CEP350: variants seen among roughly 807,000 people sequenced by gnomAD.
CEP350 encodes the protein centrosome-associated protein 350.
CEP350 carries 126 observed loss-of-function variants against 331.8 expected under a neutral mutation model. That is an observed-to-expected ratio of 0.38 (90% CI 0.33 to 0.44). The LOEUF is 0.44. Ranked by LOEUF, CEP350 falls within the 20% of genes least tolerant of loss-of-function variation. The pLI is 1.00. For synonymous variants in CEP350, 1,200 were observed against 1,259.5 expected (o/e 0.95, Z 1.00); for missense variants, 3,406 against 3,634.6 (o/e 0.94, Z 1.62).
intron 1 of CEP350, among the ~76,000 whole-genome samples, chr1:179,976,974 T>A (rs1482985331): frequency 6.6e-6 from 1 of 152,230 alleles, no homozygotes; most frequent in African/African-American, 2.4e-5. Context: ...TTCCTTTTCT[T>A]TGGGGCCACT....
chr1:179,993,714 A>T lies in CEP350; in HGVS notation c.395+1493A>T, dbSNP rs184837907. 3.1e-3 allele frequency among the ~76,000 whole-genome samples: 456 copies of T among 147,204 alleles called. 1 individual carries two copies. The highest frequency in any genetic ancestry group is 5.0e-3 in the Non-Finnish European group (342 of 67,972). ...TGCCTCGGCCTCCCAAAGTGCTTGG[A>T]TTACAGTTGTGAGCCACTGCGGCTG... is the stretch of plus-strand genomic sequence containing the variant. On this transcript the variant is annotated intron_variant, in intron 5 of 37. Coordinates refer to ENST00000367607, the MANE Select transcript of CEP350 (RefSeq NM_014810.5).
intron 14 of CEP350, among the ~76,000 whole-genome samples, chr1:180,027,000 G>A (rs1341740709): frequency 6.6e-6 from 1 of 152,162 alleles, no homozygotes; most frequent in African/African-American, 2.4e-5. Flanking sequence ...AAATGGTAAT[G>A]CCATGTTTAA....
At chr1:180,110,660 TC>T (rs1270876432) in intron 37 of CEP350, among the ~76,000 whole-genome samples, 2 of 152,334 alleles carry the variant, frequency 1.3e-5, no homozygotes, top group East Asian at 3.9e-4. Flanking sequence ...TGTGTTTTCC[TC>T]CCATTAAATT....
intron 11 of CEP350, among the ~76,000 whole-genome samples, chr1:180,019,552 T>A (rs1341096736): frequency 6.6e-6 from 1 of 152,194 alleles, no homozygotes; most frequent in Admixed American, 6.5e-5. Flanking sequence ...TTTTATGTAA[T>A]GTTATTTTAA....
At chr1:180,003,723 G>A (rs1473894452) in intron 7 of CEP350, among the ~76,000 whole-genome samples, 3 of 152,136 alleles carry the variant, frequency 2.0e-5, no homozygotes, top group Non-Finnish European at 4.4e-5. Flanking sequence ...GAAACAGGAG[G>A]AACCCATGGA....
At chr1:180,083,831 G>C in intron 30 of CEP350, among the ~76,000 whole-genome samples, 187 bp from the exon 31 acceptor site, 1 of 152,212 alleles carries the variant, frequency 6.6e-6, no homozygotes, top group Non-Finnish European at 1.5e-5. Context: ...TATGTGGCGG[G>C]CGGCGGGGAG....
chr1:180,009,808 G>A (rs1256546239), intron 8 of CEP350, among the ~76,000 whole-genome samples: 2 of 152,064 alleles, frequency 1.3e-5, no homozygotes, highest in Admixed American at 1.3e-4. Context: ...TAATAACAAG[G>A]TGCAGAAACA....
intron 37 of CEP350, among the ~76,000 whole-genome samples, chr1:180,099,289 C>T (rs1660659096): frequency 1.3e-5 from 2 of 152,016 alleles, no homozygotes; most frequent in African/African-American, 4.8e-5. Flanking sequence ...GCCTGACTGC[C>T]CATGTTTAAA....
At chr1:180,027,982 C>G (rs1019303848) in intron 14 of CEP350, among the ~76,000 whole-genome samples, 4 of 152,098 alleles carry the variant, frequency 2.6e-5, no homozygotes, top group Admixed American at 6.5e-5. Flanking sequence ...AATCATTAAC[C>G]TAATATAAAC....
intron 7 of CEP350, 46 bp downstream of exon 7, chr1:180,003,333 C>T: frequency 8.5e-7 from 1 of 1,182,470 alleles, no homozygotes; most frequent in Non-Finnish European, 1.2e-6. Context: ...GTCATACATG[C>T]TATCTAATTT....
At position 180,053,800 on chromosome 1, in the gene CEP350, T is replaced by C. The variant is rs377517461; in HGVS notation, c.5040T>C (p.Thr1680=). 5 of 1,606,996 alleles carry C rather than the reference T, an allele frequency of 3.1e-6. No homozygotes were observed. Among genetic ancestry groups the C allele is most frequent in the Non-Finnish European group, 3.4e-6 (4 of 1,175,256 alleles). Residue 1680 remains threonine, a synonymous_variant, in exon 24 of 38, where the codon ACT becomes ACC. Coordinates refer to ENST00000367607, the MANE Select transcript of CEP350 (RefSeq NM_014810.5). ...GACAAGATAGCTTTTCTAAATTTAC[T>C]ATGGAGATGGTTCGACAGTATATGA... ...SGGQDSFSKF[T]MEMVRQYMKE...
At chr1:180,033,149 T>C (rs1172645889) in intron 15 of CEP350, among the ~76,000 whole-genome samples, 1 of 152,160 alleles carries the variant, frequency 6.6e-6, no homozygotes, top group Non-Finnish European at 1.5e-5. Context: ...TAAATAAATA[T>C]TCAGTGCAAG....
In CEP350 at chr1:179,997,106, A is replaced by C. The variant is rs1330432991; in HGVS notation, c.949A>C (p.Asn317His). ...GHIDHPVMVV[N>H]VDNSVTAKVR... ...TATTGACCATCCAGTAATGGTTGTTAATGTTGATAACTCAGTAACAGCAAA... is the reference window on the plus strand; with the variant it reads ...TATTGACCATCCAGTAATGGTTGTTCATGTTGATAACTCAGTAACAGCAAA... The change falls in exon 6 of 38, where the codon AAT (asparagine) becomes CAT (histidine). Residue 317 changes from asparagine (N) to histidine (H), a missense_variant. This residue lies in a region of CEP350 where 1,857 missense variants were observed against 1,909.2 expected (regional missense o/e 0.97). Coordinates refer to ENST00000367607, the MANE Select transcript of CEP350 (RefSeq NM_014810.5). 2.1e-5 allele frequency: 34 copies of C among 1,613,924 alleles called. No homozygotes were observed. Among genetic ancestry groups the C allele is most frequent in the Non-Finnish European group, 2.9e-5 (34 of 1,179,892 alleles).
At chr1:179,982,693 T>G (rs1652368056) in intron 1 of CEP350, among the ~76,000 whole-genome samples, 1 of 152,252 alleles carries the variant, frequency 6.6e-6, no homozygotes, top group Non-Finnish European at 1.5e-5. Flanking sequence ...CCCAAAGAAA[T>G]TTTTTGTCTA....
In CEP350 at chr1:180,003,286, A is replaced by G. The variant is rs1184459578; in HGVS notation, c.1131A>G (p.Ala377=). 6.3e-7 allele frequency: 1 copy of G among 1,574,956 alleles called. No individual in the cohort carries two copies. The highest frequency in any genetic ancestry group is 1.3e-5 in the African/African-American group (1 of 74,172). The part of the protein sequence containing the change: ...ELYRDLALHF[A]DDISIKEKPA... The stretch of plus-strand genomic sequence containing the variant: ...ATCGAGATTTAGCACTTCACTTTGC[A>G]GGTGAGAATAGAGCTTTCTTATGTT... The change falls in exon 7 of 38, where the codon GCA becomes GCG. Residue 377 remains alanine, a splice_region_variant and synonymous_variant. Coordinates refer to ENST00000367607, the MANE Select transcript of CEP350 (RefSeq NM_014810.5).
Position 180,024,459 on chromosome 1 carries a change from T to C in CEP350, c.3427T>C (p.Ser1143Pro). Residue 1143 changes from serine (S) to proline (P), a missense_variant, in exon 14 of 38, where the codon TCT (serine) becomes CCT (proline). By Grantham distance (74) the Ser-to-Pro change is moderately conservative. This residue lies in a region of CEP350 where 1,857 missense variants were observed against 1,909.2 expected (regional missense o/e 0.97). Transcript: ENST00000367607. ...SPQEDHSNRK[S>P]AYDPSSVDVT... ...TCAGGAGGACCATTCTAACAGAAAG[T>C]CTGCCTATGATCCTTCCTCTGTGGA... 1 of 1,612,814 alleles carries C rather than the reference T, an allele frequency of 6.2e-7. No individual in the cohort carries two copies. The highest frequency in any genetic ancestry group is 8.5e-7 in the Non-Finnish European group (1 of 1,179,368).
At position 180,091,689 on chromosome 1, in the gene CEP350, G is replaced by C. The variant is rs568234341; in HGVS notation, c.6508+893G>C. On this transcript the variant is annotated intron_variant, in intron 33 of 37. Transcript: ENST00000367607. ...CTACAAAACATACAAAGTTAGCTGG[G>C]CATGGTGGTGCACACCTATAGTCCC... is the stretch of plus-strand genomic sequence containing the variant. 3.3e-5 allele frequency among the ~76,000 whole-genome samples: 5 copies of C among 152,156 alleles called. No individual in the cohort carries two copies. In the East Asian group the frequency reaches 9.7e-4, roughly 29 times the overall value.
chr1:180,058,014 G>A (rs766793895), intron 25 of CEP350, among the ~76,000 whole-genome samples: 1 of 152,160 alleles, frequency 6.6e-6, no homozygotes, highest in Non-Finnish European at 1.5e-5. Context: ...CTGTGTGGAT[G>A]GTTAGAGTGT....
chr1:180,018,861 T>C (rs954804239), intron 11 of CEP350, among the ~76,000 whole-genome samples: 50 of 150,794 alleles, frequency 3.3e-4, no homozygotes, highest in African/African-American at 1.1e-3. Flanking sequence ...TTCTTTCTTT[T>C]TTTTTTTTTT....
Sources: allele counts gnomAD v4.1 joint callset (sites outside exome capture counted in the v4.1 genomes callset), GRCh38; gene constraint gnomAD v4.1.1; regional missense constraint gnomAD v4.1.1; transcripts MANE v1.5; gene names NCBI Gene and HGNC (gene_info 2026-07-23, HGNC 2026-07-21).